The following TACR3 variants were observed in gnomAD, a reference collection of about 807,000 sequenced individuals.
The protein encoded by TACR3 is neuromedin-K receptor.
A neutral mutation model predicts 35.0 loss-of-function variants in TACR3; 34 were observed. The observed-to-expected ratio is 0.97, with a 90% CI of 0.74 to 1.30. The LOEUF (loss-of-function observed/expected upper bound fraction) is 1.30, where lower values mean the gene tolerates loss of function less well. Ranked by LOEUF, TACR3 falls within the 50% of genes most tolerant of loss-of-function variation. The pLI is 0.00. For synonymous variants in TACR3, 233 were observed against 221.1 expected (o/e 1.05, Z -0.48); for missense variants, 558 against 591.7 (o/e 0.94, Z 0.59).
intron 3 of TACR3, among the ~76,000 whole-genome samples, chr4:103,653,887 G>T (rs1007175158): frequency 1.3e-5 from 2 of 152,088 alleles, no homozygotes; most frequent in Non-Finnish European, 2.9e-5. Flanking sequence ...GTGGGCGAAG[G>T]ATATGAACAG....
At chr4:103,684,892 G>A (rs1483197911) in intron 1 of TACR3, among the ~76,000 whole-genome samples, 2 of 151,764 alleles carry the variant, frequency 1.3e-5, no homozygotes, top group African/African-American at 4.8e-5. Context: ...GCAGTCCTAG[G>A]AGAATTGCTT....
Position 103,688,170 on chromosome 4 carries a change from G to C in TACR3, c.549-29767C>G, listed in dbSNP as rs573667267. 5.9e-5 allele frequency among the ~76,000 whole-genome samples: 9 copies of C among 152,246 alleles called. No individual in the cohort carries two copies. The East Asian group carries it at 1.7e-3, about 29-fold the overall frequency. Reference sequence around the variant, plus strand: ...GGAAAGGATTCCCTATTTAATCAATGGTGCTGGGAAAACTGGCTAGCCATA... The same window carrying C: ...GGAAAGGATTCCCTATTTAATCAATCGTGCTGGGAAAACTGGCTAGCCATA... On this transcript the variant is annotated intron_variant, in intron 1 of 4. Coordinates refer to ENST00000304883, the MANE Select transcript of TACR3 (RefSeq NM_001059.3).
chr4:103,654,178 C>A (rs1447967285), intron 3 of TACR3, among the ~76,000 whole-genome samples: 3 of 151,506 alleles, frequency 2.0e-5, no homozygotes, highest in Non-Finnish European at 4.4e-5. Context: ...ACCATTTGAC[C>A]CAGCCTTCCC....
In TACR3 at chr4:103,588,404, TA is replaced by T. The variant is rs1723824065; in HGVS notation, c.*1277del. The T allele has an allele frequency of 6.6e-6, 1 of 152,102 alleles. No individual in the cohort carries two copies. The highest frequency in any genetic ancestry group is 2.4e-5 in the African/African-American group (1 of 41,444). The allele number at this position is 152,102 out of a possible 1,614,324, so 9.4% of individuals were successfully genotyped here. Reference sequence around the variant, plus strand: ...GCACTGAGGCCTGGATGTTACTTTTTACACTTAAAAGTATTTCTTGTTATGT... The same window carrying T: ...GCACTGAGGCCTGGATGTTACTTTTTCACTTAAAAGTATTTCTTGTTATGT... On this transcript the variant is annotated 3_prime_UTR_variant, in exon 5 of 5. Coordinates refer to ENST00000304883, the MANE Select transcript of TACR3 (RefSeq NM_001059.3).
chr4:103,611,943 C>G (rs1009064529), intron 3 of TACR3, among the ~76,000 whole-genome samples: 1 of 152,176 alleles, frequency 6.6e-6, no homozygotes, highest in Non-Finnish European at 1.5e-5. Flanking sequence ...CTTGTCATCT[C>G]TACTACTATA....
At chr4:103,655,644 T>C (rs1182307075) in intron 3 of TACR3, among the ~76,000 whole-genome samples, 1 of 152,088 alleles carries the variant, frequency 6.6e-6, no homozygotes, top group African/African-American at 2.4e-5. Flanking sequence ...AGAATAGTAT[T>C]AATACAATCC....
At position 103,588,898 on chromosome 4, in the gene TACR3, AAAAT is replaced by A. The variant is rs1300746629; in HGVS notation, c.*780_*783del. On this transcript the variant is annotated 3_prime_UTR_variant, in exon 5 of 5. Transcript: ENST00000304883. Reference sequence around the variant, plus strand: ...ATCTAGCTATTTAAAAAATCTGTGAAAAATAAAAAATGATAGGAATTTTCTTCAT... The same window carrying A: ...ATCTAGCTATTTAAAAAATCTGTGAAAAAAAATGATAGGAATTTTCTTCAT... 2.0e-5 allele frequency: 3 copies of A among 152,166 alleles called. No individual in the cohort carries two copies. The highest frequency in any genetic ancestry group is 4.4e-5 in the Non-Finnish European group (3 of 68,008). The allele number at this position is 152,166 out of a possible 1,614,324, so 9.4% of individuals were successfully genotyped here.
chr4:103,596,779 G>T lies in TACR3; in HGVS notation c.889-5096C>A, dbSNP rs537795727. ...TCCCCCTACCCCACAAGAGTCCCCA[G>T]TGTGTGATGTTCCCCTTCCTGTGTC... On this transcript the variant is annotated intron_variant, in intron 3 of 4. Coordinates refer to ENST00000304883, the MANE Select transcript of TACR3 (RefSeq NM_001059.3). Among the ~76,000 whole-genome samples the T allele has an allele frequency of 3.1e-4, 47 of 150,672 alleles. No individual in the cohort carries two copies. In the South Asian group the frequency reaches 9.5e-3, roughly 31 times the overall value.
At chr4:103,621,328 T>A (rs1237823227) in intron 3 of TACR3, among the ~76,000 whole-genome samples, 2 of 152,168 alleles carry the variant, frequency 1.3e-5, no homozygotes, top group Non-Finnish European at 2.9e-5. Context: ...GGTATGCTGA[T>A]GAAGAAGCTG....
chr4:103,649,308 C>T (rs1462930042), intron 3 of TACR3, among the ~76,000 whole-genome samples: 1 of 151,820 alleles, frequency 6.6e-6, no homozygotes, highest in Non-Finnish European at 1.5e-5. Flanking sequence ...TCCTTTTGTC[C>T]ATTTTGGTTT....
intron 3 of TACR3, among the ~76,000 whole-genome samples, chr4:103,600,817 C>G (rs1390383614): frequency 1.3e-5 from 2 of 152,154 alleles, no homozygotes; most frequent in African/African-American, 2.4e-5. Flanking sequence ...GCACTGTGGT[C>G]TGAGAGACAG....
intron 1 of TACR3, among the ~76,000 whole-genome samples, chr4:103,707,360 T>C (rs547123937): frequency 3.3e-5 from 5 of 152,346 alleles, no homozygotes; most frequent in Admixed American, 2.0e-4. Context: ...AATGTCTACT[T>C]TACAAATTTA....
intron 3 of TACR3, among the ~76,000 whole-genome samples, chr4:103,614,148 T>C (rs1186755538): frequency 6.6e-6 from 1 of 152,208 alleles, no homozygotes; most frequent in Non-Finnish European, 1.5e-5. Context: ...CATTTATGAA[T>C]GTTTAGTTCT....
At chr4:103,602,113 C>A (rs2110291334) in intron 3 of TACR3, among the ~76,000 whole-genome samples, 2 of 152,268 alleles carry the variant, frequency 1.3e-5, no homozygotes, top group East Asian at 3.9e-4. Context: ...CTAAACTTCT[C>A]TTCTCCCTTC....
At position 103,642,191 on chromosome 4, in the gene TACR3, C is replaced by T. The variant is rs145530270; in HGVS notation, c.888+14003G>A. Among the ~76,000 whole-genome samples, 729 of 150,222 alleles carry T rather than the reference C, an allele frequency of 4.9e-3. 7 individuals are homozygous for T. The highest frequency in any genetic ancestry group is 0.017 in the African/African-American group (688 of 40,972). On this transcript the variant is annotated intron_variant, in intron 3 of 4. Coordinates refer to ENST00000304883, the MANE Select transcript of TACR3 (RefSeq NM_001059.3). The stretch of plus-strand genomic sequence containing the variant: ...TGTTAATTAGCTTGATTCCATCATC[C>T]AAAAATATGGATATACATATTTATA...
intron 1 of TACR3, among the ~76,000 whole-genome samples, chr4:103,684,061 T>C (rs1185460949): frequency 6.6e-6 from 1 of 152,092 alleles, no homozygotes; most frequent in African/African-American, 2.4e-5. Flanking sequence ...CACATTCAAA[T>C]AGAAGACAAT....
chr4:103,628,513 A>G (rs570400709), intron 3 of TACR3, among the ~76,000 whole-genome samples: 1 of 152,250 alleles, frequency 6.6e-6, no homozygotes, highest in African/African-American at 2.4e-5. Context: ...AGAGAATACT[A>G]TAAACAACTC....
chr4:103,698,204 GA>G (rs35661189), intron 1 of TACR3, among the ~76,000 whole-genome samples: 41 of 150,872 alleles, frequency 2.7e-4, no homozygotes, highest in East Asian at 2.2e-3. Flanking sequence ...TTAGCTATGG[GA>G]AAAAAAAACT....
At chr4:103,701,779 G>A (rs1160475737) in intron 1 of TACR3, among the ~76,000 whole-genome samples, 1 of 152,112 alleles carries the variant, frequency 6.6e-6, no homozygotes, top group East Asian at 1.9e-4. Flanking sequence ...TGACAAACCT[G>A]ACAAAAACAA....
Sources: allele counts gnomAD v4.1 joint callset (sites outside exome capture counted in the v4.1 genomes callset), GRCh38; gene constraint gnomAD v4.1.1; transcripts MANE v1.5; gene names NCBI Gene and HGNC (gene_info 2026-07-23, HGNC 2026-07-21).